PRELID2: variants seen among roughly 807,000 people sequenced by gnomAD.
PRELID2 encodes PRELI domain containing 2, also known as PRELI domain-containing protein 2.
A neutral mutation model predicts 28.4 loss-of-function variants in PRELID2; 25 were observed. The ratio of observed to expected loss-of-function variants is 0.88; its 90% CI spans 0.64 to 1.23. The LOEUF (loss-of-function observed/expected upper bound fraction) is 1.23. Ranked by LOEUF, PRELID2 falls within the 50% of genes most tolerant of loss-of-function variation. The pLI is 0.00. For missense variants in PRELID2, 201 were observed against 214.4 expected, an observed-to-expected ratio of 0.94 and a Z score of 0.39; for synonymous variants, 76 against 71.6, an observed-to-expected ratio of 1.06 and a Z score of -0.31.
intron 1 of PRELID2, among the ~76,000 whole-genome samples, chr5:145,528,929 T>C (rs953633070): frequency 6.6e-6 from 1 of 152,028 alleles, no homozygotes; most frequent in African/African-American, 2.4e-5. Context: ...GAATAAAAAA[T>C]AAAGCTTACT....
intron 1 of PRELID2, among the ~76,000 whole-genome samples, chr5:145,827,441 G>A (rs943749144): frequency 6.6e-6 from 1 of 152,154 alleles, no homozygotes; most frequent in African/African-American, 2.4e-5. Flanking sequence ...GAAATAGAAA[G>A]AACAAAGGGC....
At chr5:145,287,566 T>C in the PRELID2 span, among the ~76,000 whole-genome samples, 6 of 152,194 alleles carry the variant, frequency 3.9e-5, no homozygotes, top group Admixed American at 6.5e-5. Context: ...TGGTTGATCA[T>C]GTGTAACTGA....
intron 5 of PRELID2, among the ~76,000 whole-genome samples, chr5:145,785,064 C>T (rs1751903597): frequency 6.6e-6 from 1 of 152,070 alleles, no homozygotes; most frequent in Non-Finnish European, 1.5e-5. Flanking sequence ...AGGCTATTAC[C>T]TATAAAAATA....
At chr5:145,712,831 T>G (rs1306909143) in intron 1 of PRELID2, among the ~76,000 whole-genome samples, 1 of 152,046 alleles carries the variant, frequency 6.6e-6, no homozygotes, top group Non-Finnish European at 1.5e-5. Flanking sequence ...GAGATGAAAG[T>G]TATTACTTAT....
intron 1 of PRELID2, among the ~76,000 whole-genome samples, chr5:145,624,519 T>TAAGGACAACGACCA (rs149302019): frequency 6.6e-6 from 1 of 152,010 alleles, no homozygotes; most frequent in East Asian, 1.9e-4. Context: ...TTCCAAGAAC[T>TAAGGACAACGACCA]AATATATATT....
At chr5:145,581,719 A>C (rs1189847206) in intron 1 of PRELID2, among the ~76,000 whole-genome samples, 1 of 152,052 alleles carries the variant, frequency 6.6e-6, no homozygotes, top group Non-Finnish European at 1.5e-5. Flanking sequence ...TCACTTGGGA[A>C]TGAGCCTCTT....
At chr5:145,541,286 G>A (rs186151000) in intron 1 of PRELID2, among the ~76,000 whole-genome samples, 2 of 152,190 alleles carry the variant, frequency 1.3e-5, no homozygotes, top group Non-Finnish European at 2.9e-5. Flanking sequence ...TTTAGTATGT[G>A]CAAAGCACAG....
At chr5:145,595,934 CA>C in intron 1 of PRELID2, among the ~76,000 whole-genome samples, 2 of 151,466 alleles carry the variant, frequency 1.3e-5, no homozygotes, top group Non-Finnish European at 2.9e-5. Context: ...CATATCTATT[CA>C]AAAGCCTTAG....
At chr5:145,279,137 G>A in the PRELID2 span, among the ~76,000 whole-genome samples, 4 of 152,222 alleles carry the variant, frequency 2.6e-5, no homozygotes, top group South Asian at 2.1e-4. Flanking sequence ...ATGCATTGTC[G>A]TATCTGAAAG....
chr5:145,776,461 GAAGA>G (rs138910707), intron 5 of PRELID2, among the ~76,000 whole-genome samples: 114,556 of 151,454 alleles, frequency 0.76, 45,129 homozygotes, highest in East Asian at 0.91. Context: ...GTTCTCAAAT[GAAGA>G]AAGAAAGAAA....
chr5:145,654,980 G>T (rs1345616670), intron 1 of PRELID2, among the ~76,000 whole-genome samples: 1 of 152,046 alleles, frequency 6.6e-6, no homozygotes, highest in Non-Finnish European at 1.5e-5. Context: ...CAGATGACAT[G>T]ACTGTATATG....
chr5:145,544,063 G>A (rs1035191689), intron 1 of PRELID2, among the ~76,000 whole-genome samples: 1 of 152,036 alleles, frequency 6.6e-6, no homozygotes, highest in Non-Finnish European at 1.5e-5. Context: ...ATAGGACAGA[G>A]TGAAGCAGAA....
chr5:145,299,940 T>G, the PRELID2 span, among the ~76,000 whole-genome samples: 1 of 152,176 alleles, frequency 6.6e-6, no homozygotes, highest in Non-Finnish European at 1.5e-5. Context: ...CGGTTTTAAA[T>G]CAATGAGTTG....
chr5:145,781,330 C>A (rs1444865093), intron 5 of PRELID2, among the ~76,000 whole-genome samples: 1 of 152,130 alleles, frequency 6.6e-6, no homozygotes, highest in Non-Finnish European at 1.5e-5. Flanking sequence ...ATTACATTTA[C>A]AATTCAAGTA....
chr5:145,467,356 T>C (rs549280745), downstream of PRELID2, among the ~76,000 whole-genome samples: 3 of 152,124 alleles, frequency 2.0e-5, no homozygotes, highest in South Asian at 6.2e-4. Flanking sequence ...AGTCCAGTCA[T>C]AAAACGACAA....
the PRELID2 span, among the ~76,000 whole-genome samples, chr5:145,328,888 C>G: frequency 1.3e-5 from 2 of 152,106 alleles, no homozygotes; most frequent in African/African-American, 4.8e-5. Context: ...AGGTCTTATT[C>G]TAGGGATTTT....
chr5:145,640,694 A>G (rs1281554901), intron 1 of PRELID2, among the ~76,000 whole-genome samples: 1 of 152,076 alleles, frequency 6.6e-6, no homozygotes, highest in Admixed American at 6.6e-5. Flanking sequence ...TTCACTTGGA[A>G]AAGGCAAGGC....
chr5:145,285,681 C>G, the PRELID2 span, among the ~76,000 whole-genome samples: 1 of 152,160 alleles, frequency 6.6e-6, no homozygotes, highest in Non-Finnish European at 1.5e-5. Flanking sequence ...CAGCATTAAT[C>G]TCTGCACAAT....
chr5:145,368,720 T>C, the PRELID2 span, among the ~76,000 whole-genome samples: 1 of 152,036 alleles, frequency 6.6e-6, no homozygotes, highest in Non-Finnish European at 1.5e-5. Flanking sequence ...TATTTCTTAA[T>C]AATAGGCTTT....
Sources: gnomAD v4.1 joint callset for allele counts (sites outside exome capture counted in the v4.1 genomes callset) on GRCh38, gnomAD v4.1.1 for gene constraint, MANE v1.5 for transcripts, NCBI Gene and HGNC (gene_info 2026-07-23, HGNC 2026-07-21) for gene names.